Variants in COL16A1 observed in about 807,000 individuals in gnomAD.
COL16A1 encodes the protein collagen type XVI alpha 1 chain.
A neutral mutation model predicts 266.3 loss-of-function variants in COL16A1; 189 were observed. The observed-to-expected ratio is 0.71, with a 90% CI of 0.63 to 0.80. The LOEUF (loss-of-function observed/expected upper bound fraction) is 0.80, where lower values mean the gene tolerates loss of function less well. Among genes scored for constraint, COL16A1 ranks in the 30% least tolerant of loss-of-function variants. The pLI, the probability that COL16A1 is intolerant of heterozygous loss-of-function variation, is 0.00. For missense variants in COL16A1, 1,928 were observed against 2,122.4 expected (o/e 0.91, Z 1.80); for synonymous variants, 740 against 782.3 (o/e 0.95, Z 0.90).
chr1:31,666,206 G>C, intron 52 of COL16A1, 125 bp from the exon 53 acceptor site: 1 of 999,970 alleles, frequency 1.0e-6, no homozygotes, highest in Non-Finnish European at 1.5e-6. Context: ...GGGCTGGCAG[G>C]CCCCCTCTGC....
rs769500765 is a variant in COL16A1 at position 31,684,005 on chromosome 1, TA to T, written c.2284-3del. The T allele has an allele frequency of 6.2e-7, 1 of 1,614,088 alleles. No individual in the cohort carries two copies. Among genetic ancestry groups the T allele is most frequent in the Non-Finnish European group, 8.5e-7 (1 of 1,179,982 alleles). On this transcript the variant is annotated splice_region_variant and splice_polypyrimidine_tract_variant and intron_variant, in intron 32 of 70. Transcript: ENST00000373672. Reference sequence around the variant, plus strand: ...AACTCCTGGTAGACCGGGTTGGCCCTAAAAGGCATAAGGTGGCCCATGGAGT... The same window carrying T: ...AACTCCTGGTAGACCGGGTTGGCCCTAAAGGCATAAGGTGGCCCATGGAGT...
intron 56 of COL16A1, 22 bp from the exon 57 acceptor site, chr1:31,662,680 C>G (rs571730850): frequency 7.2e-5 from 84 of 1,164,390 alleles, no homozygotes; most frequent in South Asian, 1.8e-4. Flanking sequence ...CGCCGCCCCC[C>G]CCCCCCGCCC....
intron 11 of COL16A1, 131 bp downstream of exon 11, chr1:31,695,055 T>C: frequency 2.2e-6 from 2 of 913,410 alleles, no homozygotes; most frequent in Non-Finnish European, 1.7e-6. Flanking sequence ...CTCTGGGAGA[T>C]GGGCAGGGAG....
intron 39 of COL16A1, 31 bp downstream of exon 39, chr1:31,680,874 A>G (rs771545326): frequency 1.2e-6 from 2 of 1,614,074 alleles, no homozygotes; most frequent in Non-Finnish European, 1.7e-6. Context: ...CTAATCCCCT[A>G]GAATATGGGT....
chr1:31,679,469 G>A, intron 42 of COL16A1, 163 bp downstream of exon 42: 1 of 1,611,090 alleles, frequency 6.2e-7, no homozygotes, highest in Non-Finnish European at 8.5e-7. Context: ...AGGCTCAGTG[G>A]GCCCTCCTTG....
At chr1:31,684,358 G>A (rs939860210) in intron 31 of COL16A1, 127 bp from the exon 32 acceptor site, 1 of 1,452,034 alleles carries the variant, frequency 6.9e-7, no homozygotes, top group African/African-American at 1.4e-5. Flanking sequence ...ATCAAAACAG[G>A]CCCCTGACAC....
In COL16A1 at chr1:31,661,417, AG is replaced by A. The variant is rs1197989006; in HGVS notation, c.3767del (p.Pro1256LeufsTer57). 6.2e-7 allele frequency: 1 copy of A among 1,613,916 alleles called. No individual in the cohort carries two copies. The highest frequency in any genetic ancestry group is 1.3e-5 in the African/African-American group (1 of 74,948). ...GGCAGAGGTCACCAGCCCTTACCTT[AG>A]GTCCTGGGAGGCCAGGATGTCCTGT... ...GKTGHPGLPG[P>X]KGDCGKPGPP... On this transcript the variant is annotated frameshift_variant, in exon 60 of 71. Coordinates refer to ENST00000373672, the MANE Select transcript of COL16A1 (RefSeq NM_001856.4). LOFTEE classifies it high-confidence loss of function.
rs1375811133 is a variant in COL16A1, at chr1:31,689,652, C to A, written c.1620+89G>T. The A allele has an allele frequency of 2.5e-5, 26 of 1,025,314 alleles. No individual in the cohort carries two copies. In the African/African-American group the frequency reaches 3.6e-4, roughly 14 times the overall value. 63.5% of individuals were successfully genotyped at this position (1,025,314 alleles called of 1,614,324 possible). On this transcript the variant is annotated intron_variant, in intron 23 of 70. Coordinates refer to ENST00000373672, the MANE Select transcript of COL16A1 (RefSeq NM_001856.4). The stretch of plus-strand genomic sequence containing the variant: ...CTCTGTAGCCACGAGAAGTACCCAG[C>A]CCCTCTGCCCAATTCCTCTCTATGA...
In COL16A1 at chr1:31,693,114, G is replaced by C. The variant is rs1313874473; in HGVS notation, c.1049C>G (p.Ser350Cys). The change falls in exon 13 of 71, where the codon TCC (serine) becomes TGC (cysteine). Residue 350 changes from serine to cysteine, a missense_variant. Transcript: ENST00000373672. ...TACCCGTGCTCCCTTCTCTCCCTTG[G>C]AGCCTGGTGGACCAGGCAGGCCCCG... ...GERGLPGPPG[S>C]KGEKGARGND... is the part of the protein sequence containing the mutation. The C allele has an allele frequency of 1.9e-6, 3 of 1,611,682 alleles. No individual in the cohort carries two copies. The highest frequency in any genetic ancestry group is 1.7e-5 in the Admixed American group (1 of 59,962).
At chr1:31,669,650 G>A (rs1642471265) in intron 49 of COL16A1, among the ~76,000 whole-genome samples, 1 of 152,080 alleles carries the variant, frequency 6.6e-6, no homozygotes, top group South Asian at 2.1e-4. Context: ...CGTGGGGACA[G>A]ATGGAACTGT....
intron 67 of COL16A1, 92 bp from the exon 68 acceptor site, chr1:31,654,950 C>A: frequency 7.1e-7 from 1 of 1,403,448 alleles, no homozygotes; most frequent in Non-Finnish European, 9.7e-7. Context: ...AGGCAAAGGT[C>A]CCAGGAGCCT....
intron 12 of COL16A1, 147 bp from the exon 13 acceptor site, chr1:31,693,301 G>A (rs1644361012): frequency 1.6e-6 from 1 of 612,730 alleles, no homozygotes. Context: ...CCTGCCCCAC[G>A]CCTCCCCCCA....
Position 31,685,606 on chromosome 1 carries a change from C to G in COL16A1, c.2016+33G>C. ...TCTCCTTAGCCCCGCCTGCATCCCCCGTCCAGAGGCCCCTGCCTATATCCC... is the reference window on the plus strand; with the variant it reads ...TCTCCTTAGCCCCGCCTGCATCCCCGGTCCAGAGGCCCCTGCCTATATCCC... On this transcript the variant is annotated intron_variant, in intron 29 of 70. Coordinates refer to ENST00000373672, the MANE Select transcript of COL16A1 (RefSeq NM_001856.4). This position sits in a 1 kb window ranked among gnomAD's most constrained non-coding sequence, Gnocchi z 4.0. The G allele has an allele frequency of 6.2e-7, 1 of 1,604,386 alleles. No homozygotes were observed. The highest frequency in any genetic ancestry group is 8.5e-7 in the Non-Finnish European group (1 of 1,173,360).
chr1:31,694,166 G>A lies in COL16A1; in HGVS notation c.986C>T (p.Thr329Ile), dbSNP rs1330350490. 4 of 1,593,976 alleles carry A rather than the reference G, an allele frequency of 2.5e-6. No homozygotes were observed. The African/African-American group carries it at 5.4e-5, about 21-fold the overall frequency. Reference sequence around the variant, plus strand: ...CACCTTGGGGCCAGAGGGAGCAAGTGTGACCTGAGGGGACAGAGGAGAGGG... The same window carrying A: ...CACCTTGGGGCCAGAGGGAGCAAGTATGACCTGAGGGGACAGAGGAGAGGG... ...CVHGARDSNV[T>I]LAPSGPKGGK... Residue 329 changes from threonine (T) to isoleucine (I), a missense_variant, in exon 12 of 71, where the codon ACA becomes ATA. By Grantham distance (89) the Thr-to-Ile change is moderately conservative (BLOSUM62 -1). Coordinates refer to ENST00000373672, the MANE Select transcript of COL16A1 (RefSeq NM_001856.4).
rs1313494894 is a variant in COL16A1 at position 31,657,995 on chromosome 1, G to A, written c.4020+493C>T. Among the ~76,000 whole-genome samples, 7 of 152,132 alleles carry A rather than the reference G, an allele frequency of 4.6e-5. No individual in the cohort carries two copies. The highest frequency in any genetic ancestry group is 8.8e-5 in the Non-Finnish European group (6 of 68,020). Reference sequence around the variant, plus strand: ...AATCAGATCCACTAAATGGGGCTGCGGCACAGATTAAGATAAAATGCACAG... The same window carrying A: ...AATCAGATCCACTAAATGGGGCTGCAGCACAGATTAAGATAAAATGCACAG... On this transcript the variant is annotated intron_variant, in intron 64 of 70. Coordinates refer to ENST00000373672, the MANE Select transcript of COL16A1 (RefSeq NM_001856.4). The surrounding 1 kb of genome is among the most constrained non-coding windows in gnomAD (Gnocchi z 6.4).
Position 31,670,701 on chromosome 1 carries a change from C to A in COL16A1, c.3151-55G>T. On this transcript the variant is annotated intron_variant, in intron 48 of 70. Coordinates refer to ENST00000373672, the MANE Select transcript of COL16A1 (RefSeq NM_001856.4). The surrounding 1 kb of genome is among the most constrained non-coding windows in gnomAD (Gnocchi z 4.5). ...CACAGGCACAGTAACCCTGGGACAG[C>A]CTGGAGGGCACAGTCTGGGGCTTGG... is the stretch of plus-strand genomic sequence containing the variant. 7.2e-7 allele frequency: 1 copy of A among 1,382,408 alleles called. No individual in the cohort carries two copies. 85.6% of individuals were successfully genotyped at this position (1,382,408 alleles called of 1,614,324 possible).
chr1:31,675,175 G>A, intron 43 of COL16A1, 83 bp downstream of exon 43: 1 of 1,612,074 alleles, frequency 6.2e-7, no homozygotes, highest in East Asian at 2.2e-5. Context: ...CCCCACTGCA[G>A]CTACCGGGCC....
In COL16A1 at chr1:31,696,136, A is replaced by G; in HGVS notation, c.870T>C (p.Asp290=). 6.3e-7 allele frequency: 1 copy of G among 1,596,684 alleles called. No individual in the cohort carries two copies. The highest frequency in any genetic ancestry group is 1.1e-5 in the South Asian group (1 of 90,704). Residue 290 remains aspartate (D), a synonymous_variant, in exon 9 of 71, where the codon GAT becomes GAC. Coordinates refer to ENST00000373672, the MANE Select transcript of COL16A1 (RefSeq NM_001856.4). ...CLEEPQNSEV[D]AQLTGRISQK... is the part of the protein sequence containing the mutation. ...GGCTGATTCTTCCCGTCAGCTGGGC[A>G]TCCACCTGGGCAGACAGAGCAAAGA...
At chr1:31,691,026 C>G (rs535547303) in intron 20 of COL16A1, among the ~76,000 whole-genome samples, 162 bp downstream of exon 20, 2 of 152,300 alleles carry the variant, frequency 1.3e-5, no homozygotes, top group South Asian at 2.1e-4. Flanking sequence ...ACAGGACGCT[C>G]CCCGCCAAGG....
Sources: allele counts gnomAD v4.1 joint callset (sites outside exome capture counted in the v4.1 genomes callset), GRCh38; gene constraint gnomAD v4.1.1; non-coding constraint Gnocchi (gnomAD v3.1); transcripts MANE v1.5; gene names NCBI Gene and HGNC (gene_info 2026-07-23, HGNC 2026-07-21).